The following ZZEF1 variants were observed in gnomAD, a reference collection of about 807,000 sequenced individuals.
ZZEF1 encodes zinc finger ZZ-type and EF-hand domain-containing protein 1.
Under a neutral mutation model 342.8 loss-of-function variants are expected in ZZEF1, and 157 were observed. The observed-to-expected ratio is 0.46, with a 90% confidence interval of 0.40 to 0.52. ZZEF1 has a LOEUF of 0.52. ZZEF1 is among the 20% of genes least tolerant of loss of function. The pLI is 0.00. For missense variants in ZZEF1, 3,480 were observed against 3,725.6 expected, an observed-to-expected ratio of 0.93 and a Z score of 1.72; for synonymous variants, 1,505 against 1,429.1, an observed-to-expected ratio of 1.05 and a Z score of -1.20.
rs76195525 is a variant in ZZEF1, at chr17:4,046,874, T to C, written c.6016-2500A>G. 6.9e-3 allele frequency among the ~76,000 whole-genome samples: 1,048 copies of C among 152,292 alleles called. 6 individuals are homozygous for C. The highest frequency in any genetic ancestry group is 0.02 in the Middle Eastern group (6 of 294). On this transcript the variant is annotated intron_variant, in intron 37 of 54. Transcript: ENST00000381638. ...TGAAAACAAAAAGTATCTCTAGTCA[T>C]TGGACGGAGAAAAGGTAGATACCCT...
chr17:4,032,714 G>GA, intron 41 of ZZEF1, 114 bp downstream of exon 41: 1 of 1,135,466 alleles, frequency 8.8e-7, no homozygotes, highest in Non-Finnish European at 1.2e-6. Flanking sequence ...ACAGGCAAAG[G>GA]AAAAAGCTTC....
At position 4,112,670 on chromosome 17, in the gene ZZEF1, G is replaced by A; in HGVS notation, c.1005C>T (p.His335=). ...CATAGCCAGTGACATTGCTGGGGAT[G>A]TGCACATCTCGGACTTCCTGAAGAT... ...ASDLQEVRDV[H]IPSNVTGYVT... is the part of the protein sequence containing the mutation. Residue 335 remains histidine, a synonymous_variant, in exon 5 of 55, where the codon CAC becomes CAT. Coordinates refer to ENST00000381638, the MANE Select transcript of ZZEF1 (RefSeq NM_015113.4). 2 of 1,614,230 alleles carry A rather than the reference G, an allele frequency of 1.2e-6. No homozygotes were observed. The highest frequency in any genetic ancestry group is 1.7e-6 in the Non-Finnish European group (2 of 1,180,038).
chr17:4,109,623 G>A (rs752159741), intron 6 of ZZEF1, 30 bp downstream of exon 6: 63 of 1,609,562 alleles, frequency 3.9e-5, no homozygotes, highest in Non-Finnish European at 5.3e-5. Context: ...GGCATGTTGA[G>A]GGGGCTGGAA....
Position 4,123,909 on chromosome 17 carries a change from G to A in ZZEF1, c.497C>T (p.Pro166Leu). The change falls in exon 2 of 55, where the codon CCA (proline) becomes CTA (leucine). Residue 166 changes from proline to leucine, a missense_variant and splice_region_variant. Pro to Leu is a moderately conservative substitution (Grantham distance 98). This residue lies in a region of ZZEF1 where 416 missense variants were observed against 374.2 expected (regional missense o/e 1.11). Coordinates refer to ENST00000381638, the MANE Select transcript of ZZEF1 (RefSeq NM_015113.4). The stretch of plus-strand genomic sequence containing the variant: ...CAGCACCTAGATGGAAGCCTCACCT[G>A]GAACCAGAGAGCAGGCCTGTAGTTG... ...IRQLQACSLVPGFTDIFSESK... is the reference protein window; with the variant it reads ...IRQLQACSLVLGFTDIFSESK... 1 of 1,612,866 alleles carries A rather than the reference G, an allele frequency of 6.2e-7. No homozygotes were observed. The highest frequency in any genetic ancestry group is 8.5e-7 in the Non-Finnish European group (1 of 1,179,576).
At position 4,105,734 on chromosome 17, in the gene ZZEF1, A is replaced by C; in HGVS notation, c.1353T>G (p.Asn451Lys). The C allele has an allele frequency of 6.2e-7, 1 of 1,613,536 alleles. No individual in the cohort carries two copies. Among genetic ancestry groups the C allele is most frequent in the Non-Finnish European group, 8.5e-7 (1 of 1,179,800 alleles). ...GGAAACTGTCCACTTCTTCCAGCAC[A>C]TTAGGGGAGAGGAAAGTTGAGAAAT... is the stretch of plus-strand genomic sequence containing the variant. ...STDFSTFLSP[N>K]VLEEVDSFLI... Residue 451 changes from asparagine to lysine, a missense_variant, in exon 7 of 55, where the codon AAT becomes AAG. Coordinates refer to ENST00000381638, the MANE Select transcript of ZZEF1 (RefSeq NM_015113.4).
intron 34 of ZZEF1, among the ~76,000 whole-genome samples, chr17:4,053,478 A>C (rs2057092501): frequency 6.6e-6 from 1 of 152,236 alleles, no homozygotes; most frequent in Admixed American, 6.5e-5. Context: ...TACTGCTTCT[A>C]AACTTTTCCA....
At chr17:4,134,352 T>TATATATATATATTTATATATATA (rs2058715222) in intron 1 of ZZEF1, among the ~76,000 whole-genome samples, 5 of 144,968 alleles carry the variant, frequency 3.4e-5, no homozygotes, top group African/African-American at 1.3e-4. Context: ...TTATATATAT[T>TATATATATATATTTATATATATA]TATATATATA....
chr17:4,079,334 G>C (rs34859684), intron 18 of ZZEF1, among the ~76,000 whole-genome samples: 24,966 of 152,142 alleles, frequency 0.16, 2,114 homozygotes, highest in East Asian at 0.18. Flanking sequence ...TGGTGAGGGG[G>C]AGAACTCAGT....
intron 6 of ZZEF1, 132 bp downstream of exon 6, chr17:4,109,521 C>G: frequency 1.6e-5 from 14 of 864,352 alleles, no homozygotes; most frequent in Non-Finnish European, 2.2e-5. Context: ...ACAGGAAACA[C>G]TAGGGCACCT....
rs1338974107 is a variant in ZZEF1 at position 4,024,191 on chromosome 17, T to TTTTTG, written c.7092+727_7092+728insCAAAA. On this transcript the variant is annotated intron_variant, in intron 43 of 54. Coordinates refer to ENST00000381638, the MANE Select transcript of ZZEF1 (RefSeq NM_015113.4). ...CCATGCCAAATATTGCCCAGGTTTT[T>TTTTTG]TTTTTTTTTTTTTTTTTTTTTTTAC... Among the ~76,000 whole-genome samples the TTTTTG allele has an allele frequency of 5.6e-5, 7 of 126,108 alleles. 1 individual carries two copies. Among genetic ancestry groups the TTTTTG allele is most frequent in the African/African-American group, 2.6e-4 (7 of 26,938 alleles). The allele number at this position is 126,108 out of a possible 152,430, so 82.7% of individuals were successfully genotyped here.
chr17:4,086,803 G>T, intron 14 of ZZEF1, 148 bp from the exon 15 acceptor site: 1 of 718,506 alleles, frequency 1.4e-6, no homozygotes, highest in Non-Finnish European at 2.3e-6. Context: ...GAAGAAGGGT[G>T]GACCAGAAAG....
rs774473005 is a variant in ZZEF1 at position 4,056,267 on chromosome 17, A to T, written c.5244T>A (p.Phe1748Leu). 1 of 1,595,740 alleles carries T rather than the reference A, an allele frequency of 6.3e-7. No individual in the cohort carries two copies. The highest frequency in any genetic ancestry group is 8.5e-7 in the Non-Finnish European group (1 of 1,171,084). ...GGGCTATTTTTTCATACCAGGCCTC[A>T]AACATGCCATCCTGACACTCATCCA... ...EWMDECQDGM[F>L]EAWYEKIAQE... Residue 1748 changes from phenylalanine to leucine, a missense_variant, in exon 33 of 55, where the codon TTT (phenylalanine) becomes TTA (leucine). Coordinates refer to ENST00000381638, the MANE Select transcript of ZZEF1 (RefSeq NM_015113.4).
Position 4,105,689 on chromosome 17 carries a change from T to C in ZZEF1, c.1394+4A>G, listed in dbSNP as rs773154257. 6.2e-7 allele frequency: 1 copy of C among 1,606,774 alleles called. No homozygotes were observed. Among genetic ancestry groups the C allele is most frequent in the Admixed American group, 1.7e-5 (1 of 59,716 alleles). On this transcript the variant is annotated splice_donor_region_variant and intron_variant, in intron 7 of 54. Transcript: ENST00000381638. The stretch of plus-strand genomic sequence containing the variant: ...GAGTTTACCCTCATCAGCCTTGATT[T>C]TACCTAGTTATCCTTATGAGGAAAC...
chr17:4,064,610 C>G lies in ZZEF1; in HGVS notation c.4469G>C (p.Gly1490Ala), dbSNP rs1250337418. ...TGGCAGCTTTGGCTGGGTGCCCAGG[C>G]CAGGACTCTGGTCTCCTGTGGCAGG... ...APPATGDQSP[G>A]LGTQPKLPSS... The change falls in exon 29 of 55, where the codon GGC (glycine) becomes GCC (alanine). Residue 1490 changes from glycine to alanine, a missense_variant. Around this residue, in one of 5 missense-constraint regions of ZZEF1, gnomAD observed 1,528 missense variants for 1,624.1 expected, o/e 0.94. Coordinates refer to ENST00000381638, the MANE Select transcript of ZZEF1 (RefSeq NM_015113.4). 1 of 1,613,980 alleles carries G rather than the reference C, an allele frequency of 6.2e-7. No individual in the cohort carries two copies. The highest frequency in any genetic ancestry group is 8.5e-7 in the Non-Finnish European group (1 of 1,180,014).
chr17:4,056,150 C>CA, intron 33 of ZZEF1, 66 bp downstream of exon 33: 1 of 1,424,590 alleles, frequency 7.0e-7, no homozygotes, highest in Non-Finnish European at 9.3e-7. Flanking sequence ...AGAACCCCCC[C>CA]AGGCAAACTC....
intron 37 of ZZEF1, among the ~76,000 whole-genome samples, chr17:4,048,965 A>G (rs543386198): frequency 1.8e-4 from 27 of 147,060 alleles, no homozygotes; most frequent in African/African-American, 4.8e-4. Flanking sequence ...TGATCCGCCC[A>G]CCTTGGCCTC....
At chr17:4,079,799 A>G (rs2057688681) in intron 18 of ZZEF1, among the ~76,000 whole-genome samples, 1 of 152,228 alleles carries the variant, frequency 6.6e-6, no homozygotes, top group African/African-American at 2.4e-5. Context: ...GAATGAATGA[A>G]ATCATGGCTC....
At chr17:4,043,672 C>A (rs759734007) in intron 38 of ZZEF1, among the ~76,000 whole-genome samples, 2 of 152,244 alleles carry the variant, frequency 1.3e-5, no homozygotes, top group African/African-American at 4.8e-5. Context: ...CATCCCTACA[C>A]ACCTGCCAAG....
chr17:4,097,553 A>G (rs1255289933), intron 9 of ZZEF1, among the ~76,000 whole-genome samples: 1 of 150,408 alleles, frequency 6.6e-6, no homozygotes, highest in African/African-American at 2.5e-5. Flanking sequence ...TCTGCCTTTT[A>G]TGGTCTCTAA....
Sources: gnomAD v4.1 joint callset for allele counts (sites outside exome capture counted in the v4.1 genomes callset) on GRCh38, gnomAD v4.1.1 for gene constraint, gnomAD v4.1.1 regional missense constraint, MANE v1.5 for transcripts, NCBI Gene and HGNC (gene_info 2026-07-23, HGNC 2026-07-21) for gene names.